The following SCML4 variants were observed in gnomAD, a reference collection of about 807,000 sequenced individuals.
SCML4 encodes sex comb on midleg-like protein 4.
A neutral mutation model predicts 41.1 loss-of-function variants in SCML4; 34 were observed. The ratio of observed to expected loss-of-function variants is 0.83; its 90% CI spans 0.63 to 1.10. SCML4 has a LOEUF of 1.10. Among genes scored for constraint, SCML4 ranks in the 50% least tolerant of loss-of-function variants. SCML4 has a pLI of 0.00. For synonymous variants in SCML4, 214 were observed against 220.9 expected (o/e 0.97, Z 0.28); for missense variants, 522 against 534.1 (o/e 0.98, Z 0.22).
intron 1 of SCML4, among the ~76,000 whole-genome samples, chr6:107,787,512 T>C (rs1418205522): frequency 3.3e-5 from 5 of 152,208 alleles, no homozygotes; most frequent in African/African-American, 1.2e-4. Flanking sequence ...TGTTCTCTAT[T>C]TATACTTTAC....
At chr6:107,796,505 A>T (rs563994167) in intron 1 of SCML4, among the ~76,000 whole-genome samples, 2 of 152,288 alleles carry the variant, frequency 1.3e-5, no homozygotes, top group South Asian at 4.1e-4. Context: ...CTCTTACATT[A>T]TTGAGCTGTA....
chr6:107,817,937 A>G (rs1006415913), intron 1 of SCML4, among the ~76,000 whole-genome samples: 18 of 152,178 alleles, frequency 1.2e-4, no homozygotes, highest in African/African-American at 4.3e-4. Context: ...CCATTTCCAC[A>G]TCAGGCACCA....
intron 2 of SCML4, among the ~76,000 whole-genome samples, chr6:107,764,267 G>A (rs191277399): frequency 3.3e-5 from 5 of 152,366 alleles, no homozygotes; most frequent in African/African-American, 9.6e-5. Flanking sequence ...AGAGATGGAA[G>A]GGCTGGTACC....
In SCML4 at chr6:107,707,922, C is replaced by T. The variant is rs969167479; in HGVS notation, c.1063G>A (p.Val355Met). The T allele has an allele frequency of 6.4e-7, 1 of 1,551,692 alleles. No homozygotes were observed. The highest frequency in any genetic ancestry group is 1.4e-5 in the African/African-American group (1 of 73,166). The change falls in exon 7 of 8, where the codon GTG becomes ATG. Residue 355 changes from valine (V) to methionine (M), a missense_variant. Physicochemically the swap from Val to Met is conservative, Grantham distance 21. Coordinates refer to ENST00000369020, the MANE Select transcript of SCML4 (RefSeq NM_198081.5). ...AGAGCCTGTGGGTCGGCGTCCTTCA[C>T]AAACCACACCACGTCCTCCACAGTC... is the stretch of plus-strand genomic sequence containing the variant. ...AWTVEDVVWF[V>M]KDADPQALGP...
intron 3 of SCML4, among the ~76,000 whole-genome samples, chr6:107,747,152 G>A (rs535690388): frequency 6.6e-6 from 1 of 152,348 alleles, no homozygotes; most frequent in African/African-American, 2.4e-5. Flanking sequence ...CTGATCTACT[G>A]AAATCTGAAT....
intron 1 of SCML4, among the ~76,000 whole-genome samples, chr6:107,794,361 A>G (rs1354834241): frequency 6.6e-6 from 1 of 152,204 alleles, no homozygotes; most frequent in Non-Finnish European, 1.5e-5. Context: ...TCCTTTAGAA[A>G]CAATCATTCC....
rs182877579 is a variant in SCML4 at position 107,716,596 on chromosome 6, G to T, written c.973+4107C>A. ...AATAAGAGGCTTCACAAAGCTGAGG[G>T]TCTGTTCCTTTCTCTAGGATAGAGT... On this transcript the variant is annotated intron_variant, in intron 6 of 7. Coordinates refer to ENST00000369020, the MANE Select transcript of SCML4 (RefSeq NM_198081.5). Among the ~76,000 whole-genome samples the T allele has an allele frequency of 4.8e-3, 732 of 152,232 alleles. 21 individuals are homozygous for T. The highest frequency in any genetic ancestry group is 0.045 in the Admixed American group (690 of 15,284).
At chr6:107,754,543 G>A (rs1489091436) in intron 2 of SCML4, among the ~76,000 whole-genome samples, 2 of 152,210 alleles carry the variant, frequency 1.3e-5, no homozygotes, top group Non-Finnish European at 2.9e-5. Context: ...ACTTCAGGCA[G>A]TGACTTCTGG....
intron 5 of SCML4, among the ~76,000 whole-genome samples, chr6:107,734,457 G>A (rs528729912): frequency 4.6e-5 from 7 of 152,182 alleles, no homozygotes; most frequent in South Asian, 2.1e-4. Context: ...TAACTTCCTC[G>A]GTATCTACAG....
chr6:107,706,198 C>T (rs1773609332), intron 7 of SCML4, among the ~76,000 whole-genome samples: 1 of 152,152 alleles, frequency 6.6e-6, no homozygotes, highest in South Asian at 2.1e-4. Flanking sequence ...ATGTCTTTGG[C>T]AAAATGGCAG....
chr6:107,755,892 G>A (rs1311526414), intron 2 of SCML4, among the ~76,000 whole-genome samples: 1 of 152,076 alleles, frequency 6.6e-6, no homozygotes, highest in African/African-American at 2.4e-5. Context: ...ACAATGGTGG[G>A]GACTGGTTAC....
At chr6:107,817,041 G>GTAACC (rs1784590502) in intron 1 of SCML4, among the ~76,000 whole-genome samples, 1 of 152,148 alleles carries the variant, frequency 6.6e-6, no homozygotes, top group African/African-American at 2.4e-5. Context: ...TGGAAGTTCC[G>GTAACC]TAACCTGTGT....
At chr6:107,754,911 T>C (rs1396693892) in intron 2 of SCML4, among the ~76,000 whole-genome samples, 1 of 152,154 alleles carries the variant, frequency 6.6e-6, no homozygotes, top group African/African-American at 2.4e-5. Flanking sequence ...GAGACCAGGC[T>C]GGACAACATA....
chr6:107,709,889 T>C (rs1304415821), intron 6 of SCML4, among the ~76,000 whole-genome samples: 1 of 152,120 alleles, frequency 6.6e-6, no homozygotes, highest in Non-Finnish European at 1.5e-5. Flanking sequence ...TCCTGTATTT[T>C]AGTAGAGATG....
At chr6:107,826,877 C>T (rs1325924531), upstream of SCML4, among the ~76,000 whole-genome samples, 1 of 151,752 alleles carries the variant, frequency 6.6e-6, no homozygotes, top group African/African-American at 2.4e-5. Flanking sequence ...TCCTGGCTAA[C>T]ACGGTGAAAC....
chr6:107,811,960 A>C (rs1784188479), intron 1 of SCML4, among the ~76,000 whole-genome samples: 2 of 152,216 alleles, frequency 1.3e-5, no homozygotes, highest in African/African-American at 4.8e-5. Context: ...ACTTAACACT[A>C]AATAGTGAGA....
chr6:107,745,155 G>T lies in SCML4; in HGVS notation c.488-12C>A. ...AAAGGAAGCCGAGACTGGAAAACCA[G>T]AGAGATGTCAGCTTAGAGCCGGGCA... On this transcript the variant is annotated splice_polypyrimidine_tract_variant and intron_variant, in intron 4 of 7. Transcript: ENST00000369020. 6.4e-7 allele frequency: 1 copy of T among 1,551,718 alleles called. No homozygotes were observed. Among genetic ancestry groups the T allele is most frequent in the South Asian group, 1.2e-5 (1 of 84,164 alleles).
chr6:107,743,589 G>A (rs1355082469), intron 5 of SCML4, among the ~76,000 whole-genome samples: 1 of 152,242 alleles, frequency 6.6e-6, no homozygotes, highest in Non-Finnish European at 1.5e-5. Flanking sequence ...TGCTGTATCA[G>A]CAACTCCAAC....
the SCML4 span, among the ~76,000 whole-genome samples, chr6:107,840,744 G>C: frequency 2.6e-5 from 4 of 152,134 alleles, no homozygotes; most frequent in Non-Finnish European, 4.4e-5. Context: ...AGTCACCAAA[G>C]TCCCATGGAG....
Sources: allele counts gnomAD v4.1 joint callset (sites outside exome capture counted in the v4.1 genomes callset), GRCh38; gene constraint gnomAD v4.1.1; transcripts MANE v1.5; gene names NCBI Gene and HGNC (gene_info 2026-07-23, HGNC 2026-07-21).